FHIT: variants seen among roughly 807,000 people sequenced by gnomAD.
The protein encoded by FHIT is fragile histidine triad diadenosine triphosphatase.
FHIT carries 19 observed loss-of-function variants against 17.9 expected under a neutral mutation model. The ratio of observed to expected loss-of-function variants is 1.06; its 90% CI spans 0.74 to 1.56. The LOEUF is 1.56. Among genes scored for constraint, FHIT ranks in the 40% most tolerant of loss-of-function variants. The probability of loss-of-function intolerance (pLI) is 0.00; values close to 1 mark genes in which losing one functional copy is unlikely to be tolerated. For synonymous variants in FHIT, 81 were observed against 69.7 expected (o/e 1.16, Z -0.81); for missense variants, 248 against 189.2 (o/e 1.31, Z -1.82).
At chr3:61,014,807 A>AAAAAATATATAT (rs1553798839) in intron 3 of FHIT, among the ~76,000 whole-genome samples, 7 of 49,110 alleles carry the variant, frequency 1.4e-4, no homozygotes, top group Admixed American at 3.4e-4. Flanking sequence ...AAAAAAAAAA[A>AAAAAATATATAT]ATATATATAT....
chr3:60,294,860 T>C (rs374574539), intron 5 of FHIT, among the ~76,000 whole-genome samples: 3 of 152,304 alleles, frequency 2.0e-5, no homozygotes, highest in East Asian at 1.9e-4. Flanking sequence ...TATGTATCAA[T>C]AGTTCATCTG....
In FHIT at chr3:60,094,970, G is replaced by C. The variant is rs961988248; in HGVS notation, c.104-80818C>G. Among the ~76,000 whole-genome samples, 6 of 152,322 alleles carry C rather than the reference G, an allele frequency of 3.9e-5. No individual in the cohort carries two copies. In the South Asian group the frequency reaches 6.2e-4, roughly 16 times the overall value. ...TTTTAGGATTCATCCCTAGAGTCTTGATCATGATCAGAAGCAGGGAATTAT... is the reference window on the plus strand; with the variant it reads ...TTTTAGGATTCATCCCTAGAGTCTTCATCATGATCAGAAGCAGGGAATTAT... On this transcript the variant is annotated intron_variant, in intron 5 of 9. Transcript: ENST00000492590.
At chr3:61,184,201 C>T (rs2038432665) in intron 2 of FHIT, among the ~76,000 whole-genome samples, 3 of 152,108 alleles carry the variant, frequency 2.0e-5, no homozygotes. Context: ...TCACACACCT[C>T]TCGGCTAACA....
At chr3:60,309,029 C>A (rs558166918) in intron 5 of FHIT, among the ~76,000 whole-genome samples, 27 of 152,106 alleles carry the variant, frequency 1.8e-4, no homozygotes, top group Non-Finnish European at 3.8e-4. Context: ...CTGCTTGGAG[C>A]CTTAGTGCCG....
chr3:60,385,725 A>G (rs1038272368), intron 5 of FHIT, among the ~76,000 whole-genome samples: 5 of 152,152 alleles, frequency 3.3e-5, no homozygotes, highest in African/African-American at 1.2e-4. Context: ...GAATAAAGGC[A>G]TGCACCGCCA....
At chr3:61,069,260 A>G (rs1250176293) in intron 2 of FHIT, among the ~76,000 whole-genome samples, 1 of 152,166 alleles carries the variant, frequency 6.6e-6, no homozygotes, top group Non-Finnish European at 1.5e-5. Flanking sequence ...TTGCTCCACA[A>G]GGGGAAAGGT....
At chr3:60,708,978 G>T (rs978234805) in intron 4 of FHIT, among the ~76,000 whole-genome samples, 4 of 152,076 alleles carry the variant, frequency 2.6e-5, no homozygotes, top group African/African-American at 9.7e-5. Flanking sequence ...TTTCTATAGC[G>T]CATTGCAAGG....
intron 5 of FHIT, among the ~76,000 whole-genome samples, chr3:60,082,794 G>A (rs1703346277): frequency 6.6e-6 from 1 of 152,050 alleles, no homozygotes; most frequent in African/African-American, 2.4e-5. Context: ...GTCTGTTCAT[G>A]TATTTTGTCC....
chr3:60,390,422 AAAAAAAC>A (rs57413748), intron 5 of FHIT, among the ~76,000 whole-genome samples: 65,430 of 113,330 alleles, frequency 0.58, 21,101 homozygotes, highest in East Asian at 0.91. Flanking sequence ...AAAAAAAAAA[AAAAAAAC>A]CCGTACCCTC....
chr3:61,038,540 G>C (rs1396385274), intron 3 of FHIT, among the ~76,000 whole-genome samples: 1 of 152,176 alleles, frequency 6.6e-6, no homozygotes, highest in Admixed American at 6.5e-5. Context: ...GTCAGTTGGG[G>C]AAGTTTCAAT....
chr3:60,521,366 A>C (rs55757746), intron 5 of FHIT, among the ~76,000 whole-genome samples: 1 of 151,842 alleles, frequency 6.6e-6, no homozygotes, highest in Non-Finnish European at 1.5e-5. Flanking sequence ...TCCTGCCTCA[A>C]CCTCCCGAGT....
chr3:60,585,256 C>T (rs976123793), intron 4 of FHIT, among the ~76,000 whole-genome samples: 1 of 151,848 alleles, frequency 6.6e-6, no homozygotes, highest in Non-Finnish European at 1.5e-5. Flanking sequence ...CTTGAATGCT[C>T]CTGAAACGAT....
chr3:60,895,669 T>TTCCTTCCTTCCTTCCTTC (rs1559808620), intron 3 of FHIT, among the ~76,000 whole-genome samples: 5 of 21,184 alleles, frequency 2.4e-4, no homozygotes, highest in African/African-American at 4.3e-4. Flanking sequence ...TTCCTTCCTT[T>TTCCTTCCTTCCTTCCTTC]CTTTCTTTCT....
intron 3 of FHIT, among the ~76,000 whole-genome samples, chr3:60,906,947 G>C (rs1706459482): frequency 6.6e-6 from 1 of 152,122 alleles, no homozygotes; most frequent in African/African-American, 2.4e-5. Context: ...TATGGAAACA[G>C]AGGTGGAGAC....
chr3:59,782,336 A>G (rs1358928143), intron 8 of FHIT, among the ~76,000 whole-genome samples: 1 of 152,124 alleles, frequency 6.6e-6, no homozygotes, highest in African/African-American at 2.4e-5. Context: ...TGCCTGTAAT[A>G]AAGATAGAGT....
intron 7 of FHIT, among the ~76,000 whole-genome samples, chr3:59,943,437 A>T (rs1318249805): frequency 6.6e-6 from 1 of 152,204 alleles, no homozygotes; most frequent in Non-Finnish European, 1.5e-5. Flanking sequence ...TACCTGCTTT[A>T]CTTGAAATGC....
At chr3:60,453,407 C>G (rs2031876950) in intron 5 of FHIT, among the ~76,000 whole-genome samples, 1 of 152,154 alleles carries the variant, frequency 6.6e-6, no homozygotes, top group Admixed American at 6.6e-5. Flanking sequence ...CTCCAGAGGG[C>G]TAAACTCATT....
At chr3:60,703,566 T>A (rs2041298351) in intron 4 of FHIT, among the ~76,000 whole-genome samples, 1 of 152,350 alleles carries the variant, frequency 6.6e-6, no homozygotes, top group East Asian at 1.9e-4. Context: ...TGCTATTTTT[T>A]AATTATATAC....
chr3:60,217,257 T>C (rs1008420905), intron 5 of FHIT, among the ~76,000 whole-genome samples: 4 of 152,158 alleles, frequency 2.6e-5, no homozygotes, highest in African/African-American at 9.7e-5. Context: ...TGGCCTAATT[T>C]GATGTTTTTT....
Sources: gnomAD v4.1 joint callset for allele counts (sites outside exome capture counted in the v4.1 genomes callset) on GRCh38, gnomAD v4.1.1 for gene constraint, MANE v1.5 for transcripts, NCBI Gene and HGNC (gene_info 2026-07-23, HGNC 2026-07-21) for gene names.